TECPR2: variants seen among roughly 807,000 people sequenced by gnomAD.
The protein encoded by TECPR2 is tectonin beta-propeller repeat containing 2.
A neutral mutation model predicts 138.1 loss-of-function variants in TECPR2; 65 were observed. That is an observed-to-expected ratio of 0.47 (90% CI 0.39 to 0.58). The LOEUF is 0.58. Ranked by LOEUF, TECPR2 falls within the 20% of genes least tolerant of loss-of-function variation. The pLI is 0.00. For synonymous variants in TECPR2, 746 were observed against 749.8 expected (o/e 0.99, Z 0.08); for missense variants, 1,553 against 1,824.5 (o/e 0.85, Z 2.71).
intron 2 of TECPR2, among the ~76,000 whole-genome samples, chr14:102,406,415 G>A (rs1351394097): frequency 3.9e-5 from 6 of 152,074 alleles, no homozygotes; most frequent in Admixed American, 6.6e-5. Context: ...GCGTGGTGGC[G>A]GGCGCCTGTG....
intron 17 of TECPR2, among the ~76,000 whole-genome samples, chr14:102,488,774 CTTTTT>C (rs761101634): frequency 1.4e-5 from 2 of 146,414 alleles, no homozygotes; most frequent in Non-Finnish European, 3.0e-5. Flanking sequence ...GGCTTGTCTA[CTTTTT>C]TTTTTTTCTA....
Position 102,434,792 on chromosome 14 carries a change from A to C in TECPR2, c.1975A>C (p.Ser659Arg), listed in dbSNP as rs761517473. The C allele has an allele frequency of 6.2e-7, 1 of 1,613,450 alleles. No individual in the cohort carries two copies. Among genetic ancestry groups the C allele is most frequent in the African/African-American group, 1.3e-5 (1 of 75,060 alleles). Residue 659 changes from serine (S) to arginine (R), a missense_variant, in exon 9 of 20, where the codon AGT becomes CGT. Transcript: ENST00000359520. Reference sequence around the variant, plus strand: ...GCCTTCCAGCCTCAGCTGGGCCCCAAGTGCTGAACAGTGGCTGCCTGGGAC... The same window carrying C: ...GCCTTCCAGCCTCAGCTGGGCCCCACGTGCTGAACAGTGGCTGCCTGGGAC... ...TVPSSLSWAP[S>R]AEQWLPGTRA...
chr14:102,489,992 G>A (rs1278153168), intron 17 of TECPR2, among the ~76,000 whole-genome samples: 1 of 151,634 alleles, frequency 6.6e-6, no homozygotes, highest in East Asian at 1.9e-4. Context: ...TAAAAATAAA[G>A]CAAAAACAAG....
At position 102,501,968 on chromosome 14, in the gene TECPR2, C is replaced by T. The variant is rs1168313298; in HGVS notation, c.*3711C>T. ...CGTACGTAGGCCTTGCATCTCGCCACCTCCACTTCTGTCCTCAAGAACAAG... is the reference window on the plus strand; with the variant it reads ...CGTACGTAGGCCTTGCATCTCGCCATCTCCACTTCTGTCCTCAAGAACAAG... On this transcript the variant is annotated 3_prime_UTR_variant, in exon 20 of 20. Coordinates refer to ENST00000359520, the MANE Select transcript of TECPR2 (RefSeq NM_014844.5). The T allele has an allele frequency of 1.3e-5, 2 of 152,388 alleles. No homozygotes were observed. The highest frequency in any genetic ancestry group is 3.9e-4 in the East Asian group (2 of 5,190). 9.4% of individuals were successfully genotyped at this position (152,388 alleles called of 1,614,324 possible). A position where few individuals can be genotyped will look rare whatever the true frequency, so the allele number is the denominator to read the frequency against.
At chr14:102,382,731 T>G (rs1887872460) in intron 2 of TECPR2, among the ~76,000 whole-genome samples, 2 of 152,218 alleles carry the variant, frequency 1.3e-5, no homozygotes, top group South Asian at 4.1e-4. Context: ...TTCACTTTTC[T>G]TTAAAATATA....
In TECPR2 at chr14:102,450,618, T is replaced by C; in HGVS notation, c.3375T>C (p.Phe1125=). 1 of 1,614,204 alleles carries C rather than the reference T, an allele frequency of 6.2e-7. No individual in the cohort carries two copies. Among genetic ancestry groups the C allele is most frequent in the Non-Finnish European group, 8.5e-7 (1 of 1,180,014 alleles). Residue 1125 remains phenylalanine, a synonymous_variant, in exon 15 of 20, where the codon TTT becomes TTC. Coordinates refer to ENST00000359520, the MANE Select transcript of TECPR2 (RefSeq NM_014844.5). ...CAGCTTCTGCTACAAAATGGGCCTT[T>C]GTGTTGGCTTCTGCAGCTCCCACGA... ...RGTASATKWA[F]VLASAAPTKE...
At chr14:102,373,461 T>A (rs1204165064) in intron 1 of TECPR2, among the ~76,000 whole-genome samples, 1 of 152,232 alleles carries the variant, frequency 6.6e-6, no homozygotes, top group Non-Finnish European at 1.5e-5. Context: ...TTTGCCCAGC[T>A]GTAGGCTAAC....
intron 4 of TECPR2, 101 bp downstream of exon 4, chr14:102,408,720 C>CATAATACAAG: frequency 8.1e-7 from 1 of 1,235,070 alleles, no homozygotes; most frequent in Admixed American, 2.6e-5. Flanking sequence ...TCTTGATCAT[C>CATAATACAAG]ATCCCTTTAT....
At chr14:102,448,375 A>C (rs990118575) in intron 13 of TECPR2, among the ~76,000 whole-genome samples, 13 of 152,208 alleles carry the variant, frequency 8.5e-5, no homozygotes, top group African/African-American at 3.1e-4. Flanking sequence ...GCCTTATATC[A>C]AGCTGCCCAA....
intron 6 of TECPR2, among the ~76,000 whole-genome samples, chr14:102,425,645 G>A (rs1184188998): frequency 2.7e-5 from 4 of 150,240 alleles, no homozygotes; most frequent in Non-Finnish European, 5.9e-5. Context: ...GCATGATCTC[G>A]GCTTACTGCA....
rs1290273509 is a variant in TECPR2, at chr14:102,498,966, A to G, written c.*709A>G. On this transcript the variant is annotated 3_prime_UTR_variant, in exon 20 of 20. Transcript: ENST00000359520. ...TCACCACACCACAGCACACCTCACC[A>G]CACAACACACCACACCCCACACCGC... 1.4e-6 allele frequency: 1 copy of G among 695,136 alleles called. No individual in the cohort carries two copies. The highest frequency in any genetic ancestry group is 2.6e-6 in the Non-Finnish European group (1 of 381,208). 43.1% of individuals were successfully genotyped at this position (695,136 alleles called of 1,614,324 possible). A position where few individuals can be genotyped will look rare whatever the true frequency, so the allele number is the denominator to read the frequency against.
Position 102,444,986 on chromosome 14 carries a change from C to T in TECPR2, c.2934-820C>T, listed in dbSNP as rs1284033883. Among the ~76,000 whole-genome samples, 9 of 152,152 alleles carry T rather than the reference C, an allele frequency of 5.9e-5. No individual in the cohort carries two copies. The East Asian group carries it at 1.5e-3, about 26-fold the overall frequency. On this transcript the variant is annotated intron_variant, in intron 12 of 19. Coordinates refer to ENST00000359520, the MANE Select transcript of TECPR2 (RefSeq NM_014844.5). ...AAAAAAAGCAACAACAACAAAAAGC[C>T]AGAATGGTGCTAGGGGCTGGGTGCG...
chr14:102,369,640 G>T (rs1165805685), intron 1 of TECPR2, among the ~76,000 whole-genome samples: 1 of 152,026 alleles, frequency 6.6e-6, no homozygotes, highest in Non-Finnish European at 1.5e-5. Flanking sequence ...TGCCCAGGCT[G>T]ATGTCAAACC....
At chr14:102,410,803 C>A (rs1045477244) in intron 4 of TECPR2, among the ~76,000 whole-genome samples, 12 of 151,720 alleles carry the variant, frequency 7.9e-5, no homozygotes, top group African/African-American at 2.9e-4. Context: ...GTTTACACTG[C>A]CGGTTTACAC....
intron 16 of TECPR2, among the ~76,000 whole-genome samples, chr14:102,464,893 C>T (rs1263249812): frequency 1.3e-5 from 2 of 152,280 alleles, no homozygotes; most frequent in South Asian, 2.1e-4. Flanking sequence ...CCGTGTGGCG[C>T]CTGGCAGGTG....
chr14:102,471,466 G>T (rs995646454), intron 17 of TECPR2, among the ~76,000 whole-genome samples: 2 of 151,896 alleles, frequency 1.3e-5, no homozygotes, highest in Non-Finnish European at 2.9e-5. Flanking sequence ...CACTTTGGAA[G>T]GTTGAGGCAG....
Position 102,434,311 on chromosome 14 carries a change from G to A in TECPR2, c.1494G>A (p.Gln498=). Residue 498 remains glutamine, a synonymous_variant, in exon 9 of 20, where the codon CAG becomes CAA. Transcript: ENST00000359520. ...PCSEFPGDSP[Q]SLNTDLLSMT... is the part of the protein sequence containing the mutation. ...CCGAATTTCCTGGGGACAGTCCCCA[G>A]TCCTTGAACACAGACTTGCTGTCGA... 2 of 1,451,238 alleles carry A rather than the reference G, an allele frequency of 1.4e-6. No homozygotes were observed. The highest frequency in any genetic ancestry group is 1.8e-6 in the Non-Finnish European group (2 of 1,098,088). The allele number at this position is 1,451,238 out of a possible 1,614,324, so 89.9% of individuals were successfully genotyped here. A position where few individuals can be genotyped will look rare whatever the true frequency, so the allele number is the denominator to read the frequency against.
In TECPR2 at chr14:102,465,275, G is replaced by A. The variant is rs1890529351; in HGVS notation, c.3775G>A (p.Glu1259Lys). Residue 1259 changes from glutamate (E) to lysine (K), a missense_variant, in exon 17 of 20, where the codon GAG becomes AAG. By Grantham distance (56) the Glu-to-Lys change is moderately conservative (BLOSUM62 1). Transcript: ENST00000359520. Reference protein sequence around the residue: ...SLMLPAWIMIEPPVQPAGVSL... With the variant: ...SLMLPAWIMIKPPVQPAGVSL... The stretch of plus-strand genomic sequence containing the variant: ...CATGCTTCCAGCCTGGATAATGATT[G>A]AGCCACCTGTCCAGGTAAGCAGAAG... 2 of 1,613,782 alleles carry A rather than the reference G, an allele frequency of 1.2e-6. No homozygotes were observed. Among genetic ancestry groups the A allele is most frequent in the Middle Eastern group, 1.6e-4 (1 of 6,084 alleles).
In TECPR2 at chr14:102,499,449, C is replaced by T; in HGVS notation, c.*1192C>T. The T allele has an allele frequency of 1.8e-6, 1 of 557,418 alleles. No individual in the cohort carries two copies. Among genetic ancestry groups the T allele is most frequent in the Non-Finnish European group, 3.2e-6 (1 of 310,394 alleles). The allele number at this position is 557,418 out of a possible 1,614,324, so 34.5% of individuals were successfully genotyped here. On this transcript the variant is annotated 3_prime_UTR_variant, in exon 20 of 20. Transcript: ENST00000359520. ...CCTTCCCGGGTTTGTCCTGAGCCTG[C>T]ACTGTCCTCGCCTGCAGCCTCAGAG...
Sources: allele counts gnomAD v4.1 joint callset (sites outside exome capture counted in the v4.1 genomes callset), GRCh38; gene constraint gnomAD v4.1.1; transcripts MANE v1.5; gene names NCBI Gene and HGNC (gene_info 2026-07-23, HGNC 2026-07-21).